Variants in RASGRP3 observed in about 807,000 individuals in gnomAD.
The protein encoded by RASGRP3 is ras guanyl-releasing protein 3.
In RASGRP3, 54 loss-of-function variants were observed where a neutral mutation model predicts 82.7. The ratio of observed to expected loss-of-function variants is 0.65; its 90% CI spans 0.52 to 0.82. The LOEUF (loss-of-function observed/expected upper bound fraction) is 0.82, where lower values mean the gene tolerates loss of function less well. Ranked by LOEUF, RASGRP3 falls within the 40% of genes least tolerant of loss-of-function variation. The pLI, the probability that RASGRP3 is intolerant of heterozygous loss-of-function variation, is 0.00. For missense variants in RASGRP3, 861 were observed against 828.9 expected (o/e 1.04, Z -0.48); for synonymous variants, 309 against 300.5 (o/e 1.03, Z -0.29).
intron 11 of RASGRP3, among the ~76,000 whole-genome samples, chr2:33,535,190 T>C (rs531121704): frequency 2.0e-5 from 3 of 152,346 alleles, no homozygotes; most frequent in African/African-American, 4.8e-5. Flanking sequence ...TTGGATGGTG[T>C]CTCACTTAAT....
At chr2:33,471,168 A>G (rs1667037306) in intron 2 of RASGRP3, among the ~76,000 whole-genome samples, 1 of 151,832 alleles carries the variant, frequency 6.6e-6, no homozygotes, top group African/African-American at 2.4e-5. Flanking sequence ...AATTTTATCA[A>G]ATGATTTTTC....
At chr2:33,483,542 G>A (rs924413121) in intron 1 of RASGRP3, among the ~76,000 whole-genome samples, 3 of 142,440 alleles carry the variant, frequency 2.1e-5, no homozygotes, top group Non-Finnish European at 4.5e-5. Flanking sequence ...AGGCTGGAGT[G>A]CAGTGGCACA....
chr2:33,556,781 C>G (rs1676012896), intron 15 of RASGRP3, among the ~76,000 whole-genome samples: 1 of 151,814 alleles, frequency 6.6e-6, no homozygotes, highest in Non-Finnish European at 1.5e-5. Context: ...TATCACTTGC[C>G]TTGGTCTAAC....
chr2:33,543,530 G>A lies in RASGRP3; in HGVS notation c.1297G>A (p.Asp433Asn). 1.2e-6 allele frequency: 2 copies of A among 1,605,774 alleles called. No individual in the cohort carries two copies. The highest frequency in any genetic ancestry group is 1.7e-6 in the Non-Finnish European group (2 of 1,173,422). ...KLVESVFRNY[D>N]HDHDGYISQE... ...TTTGCAGTCTGTATTTAGAAACTAT[G>A]ATCACGACCATGATGGGTACATTTC... The change falls in exon 13 of 18, where the codon GAT becomes AAT. Residue 433 changes from aspartate to asparagine, a missense_variant. Asp to Asn is a conservative substitution (Grantham distance 23). Transcript: ENST00000403687.
chr2:33,440,164 A>G (rs905629944), intron 1 of RASGRP3, among the ~76,000 whole-genome samples: 1 of 152,200 alleles, frequency 6.6e-6, no homozygotes, highest in African/African-American at 2.4e-5. Context: ...ATAGTCAGAT[A>G]GAAATAGTAA....
At chr2:33,491,521 A>G (rs1277197343) in intron 1 of RASGRP3, among the ~76,000 whole-genome samples, 2 of 152,212 alleles carry the variant, frequency 1.3e-5, no homozygotes, top group Non-Finnish European at 2.9e-5. Context: ...ATTTTAAAGG[A>G]CAAAGGTAAT....
chr2:33,469,206 G>A (rs1357553772), intron 2 of RASGRP3, among the ~76,000 whole-genome samples: 1 of 151,994 alleles, frequency 6.6e-6, no homozygotes, highest in African/African-American at 2.4e-5. Flanking sequence ...TATATGTTAA[G>A]ACCATTAACC....
rs1671479421 is a variant in RASGRP3 at position 33,516,481 on chromosome 2, G to A, written c.71-61G>A. The A allele has an allele frequency of 2.8e-5, 32 of 1,159,570 alleles. No homozygotes were observed. In the South Asian group the frequency reaches 4.1e-4, roughly 15 times the overall value. 71.8% of individuals were successfully genotyped at this position (1,159,570 alleles called of 1,614,324 possible). On this transcript the variant is annotated intron_variant, in intron 3 of 17. Coordinates refer to ENST00000403687, the MANE Select transcript of RASGRP3 (RefSeq NM_001139488.2). ...ATGACACTACTGCGTCTCTACTGAT[G>A]TTAGAAAAAGTAAAGAATAGCACTA...
chr2:33,498,231 T>C (rs1669515353), intron 1 of RASGRP3, among the ~76,000 whole-genome samples: 1 of 152,224 alleles, frequency 6.6e-6, no homozygotes, highest in Non-Finnish European at 1.5e-5. Context: ...TACCTGTTAT[T>C]AACTTACTTA....
At chr2:33,539,317 C>A in intron 12 of RASGRP3, 107 bp downstream of exon 12, 2 of 910,226 alleles carry the variant, frequency 2.2e-6, no homozygotes, top group Non-Finnish European at 3.4e-6. Flanking sequence ...AAACAACCCT[C>A]TGGCAGGTAG....
chr2:33,454,404 C>G (rs1259316879), intron 2 of RASGRP3, among the ~76,000 whole-genome samples: 2 of 152,114 alleles, frequency 1.3e-5, no homozygotes, highest in East Asian at 3.9e-4. Context: ...GAGCATAAGA[C>G]TGGAAAGATG....
chr2:33,560,865 A>T (rs1481447150), intron 17 of RASGRP3, among the ~76,000 whole-genome samples: 1 of 152,206 alleles, frequency 6.6e-6, no homozygotes, highest in Non-Finnish European at 1.5e-5. Flanking sequence ...GTTACTTAAA[A>T]ACTGTGCTTC....
intron 13 of RASGRP3, among the ~76,000 whole-genome samples, chr2:33,548,132 C>A (rs1328972909): frequency 6.6e-6 from 1 of 151,952 alleles, no homozygotes; most frequent in African/African-American, 2.4e-5. Flanking sequence ...GAGGCCGAGG[C>A]GGGCGGATCA....
intron 1 of RASGRP3, among the ~76,000 whole-genome samples, chr2:33,500,667 G>A (rs1669781753): frequency 6.6e-6 from 1 of 152,222 alleles, no homozygotes. Flanking sequence ...TGGGTGCGGT[G>A]GCCCACGCCT....
chr2:33,465,015 A>T (rs1395645427), intron 2 of RASGRP3, among the ~76,000 whole-genome samples: 3 of 152,232 alleles, frequency 2.0e-5, no homozygotes, highest in Non-Finnish European at 2.9e-5. Context: ...AGAAAGAGTC[A>T]CAATTTTCTT....
intron 2 of RASGRP3, among the ~76,000 whole-genome samples, chr2:33,470,670 C>T (rs549264910): frequency 2.6e-5 from 4 of 152,086 alleles, no homozygotes; most frequent in African/African-American, 7.2e-5. Context: ...TGAGCCACCA[C>T]GCCCGGCCAA....
intron 1 of RASGRP3, among the ~76,000 whole-genome samples, chr2:33,478,656 A>G (rs1244294976): frequency 1.3e-5 from 2 of 152,260 alleles, no homozygotes; most frequent in East Asian, 1.9e-4. Flanking sequence ...TGCAGATAGT[A>G]CATCCATTGA....
intron 1 of RASGRP3, among the ~76,000 whole-genome samples, chr2:33,437,544 C>T (rs1490023833): frequency 6.6e-6 from 1 of 152,154 alleles, no homozygotes; most frequent in African/African-American, 2.4e-5. Context: ...AAATGTGTGG[C>T]TGTTATTTCT....
At chr2:33,518,033 T>G (rs1254358267) in intron 4 of RASGRP3, among the ~76,000 whole-genome samples, 1 of 152,202 alleles carries the variant, frequency 6.6e-6, no homozygotes, top group East Asian at 1.9e-4. Flanking sequence ...AGTATTAATA[T>G]ACCTGAAAAT....
Sources: gnomAD v4.1 joint callset for allele counts (sites outside exome capture counted in the v4.1 genomes callset) on GRCh38, gnomAD v4.1.1 for gene constraint, MANE v1.5 for transcripts, NCBI Gene and HGNC (gene_info 2026-07-23, HGNC 2026-07-21) for gene names.